The following FREM1 variants were observed in gnomAD, a reference collection of about 807,000 sequenced individuals.
The protein encoded by FREM1 is FRAS1-related extracellular matrix protein 1.
In FREM1, 220 loss-of-function variants were observed where a neutral mutation model predicts 210.1. The ratio of observed to expected loss-of-function variants is 1.05; its 90% CI spans 0.94 to 1.17. The LOEUF (loss-of-function observed/expected upper bound fraction) is 1.17, where lower values mean the gene tolerates loss of function less well. Ranked by LOEUF, FREM1 falls within the 50% of genes most tolerant of loss-of-function variation. FREM1 has a pLI of 0.00. For missense variants in FREM1, 3,454 were observed against 2,675.5 expected, an observed-to-expected ratio of 1.29 and a Z score of -6.42; for synonymous variants, 1,189 against 980.2, an observed-to-expected ratio of 1.21 and a Z score of -3.98.
At chr9:14,745,168 G>A (rs966473448) in intron 35 of FREM1, among the ~76,000 whole-genome samples, 2 of 152,074 alleles carry the variant, frequency 1.3e-5, no homozygotes, top group Non-Finnish European at 2.9e-5. Flanking sequence ...ATGAGTAATA[G>A]GCTTAATACC....
intron 25 of FREM1, among the ~76,000 whole-genome samples, chr9:14,772,345 T>A (rs1044956596): frequency 9.9e-5 from 15 of 152,256 alleles, no homozygotes; most frequent in Admixed American, 9.8e-4. Context: ...GAGACTGAGT[T>A]CCATGCAGCC....
At chr9:14,859,873 A>G (rs1435801355) in intron 3 of FREM1, among the ~76,000 whole-genome samples, 1 of 152,202 alleles carries the variant, frequency 6.6e-6, no homozygotes, top group African/African-American at 2.4e-5. Flanking sequence ...TTTCTGAAGC[A>G]TTCAGGCCTT....
chr9:14,751,388 A>T (rs1457673864), intron 29 of FREM1, among the ~76,000 whole-genome samples: 1 of 152,102 alleles, frequency 6.6e-6, no homozygotes, highest in Non-Finnish European at 1.5e-5. Context: ...GTGGTAAACA[A>T]CTGTAATCCC....
chr9:14,861,994 C>T (rs1830684880), intron 3 of FREM1, among the ~76,000 whole-genome samples: 1 of 152,224 alleles, frequency 6.6e-6, no homozygotes, highest in Admixed American at 6.5e-5. Flanking sequence ...CCCTTCCCAC[C>T]CGCTCCGCGC....
At chr9:14,817,192 T>C (rs966321862) in intron 14 of FREM1, among the ~76,000 whole-genome samples, 2 of 152,178 alleles carry the variant, frequency 1.3e-5, no homozygotes, top group African/African-American at 4.8e-5. Context: ...CAGAATACAC[T>C]GACTAGGGCC....
chr9:14,806,639 T>C (rs1407219579), intron 18 of FREM1, 22 bp downstream of exon 18: 1 of 1,376,276 alleles, frequency 7.3e-7, no homozygotes, highest in Admixed American at 1.8e-5. Flanking sequence ...GAGTCATTGC[T>C]GGTGACGAAG....
At chr9:14,829,476 A>G (rs1355168699) in intron 10 of FREM1, among the ~76,000 whole-genome samples, 1 of 152,126 alleles carries the variant, frequency 6.6e-6, no homozygotes, top group Non-Finnish European at 1.5e-5. Context: ...CCAATGCAAC[A>G]GTGTTTAGAG....
chr9:14,800,166 T>G (rs1853265789), intron 20 of FREM1, among the ~76,000 whole-genome samples: 1 of 151,720 alleles, frequency 6.6e-6, no homozygotes. Context: ...CTAAAAGAAG[T>G]TGGAAAAATG....
chr9:14,828,543 T>C (rs1822904765), intron 10 of FREM1, among the ~76,000 whole-genome samples: 1 of 151,818 alleles, frequency 6.6e-6, no homozygotes, highest in Non-Finnish European at 1.5e-5. Flanking sequence ...TGTTAGACTT[T>C]ATTTTTTTGC....
intron 10 of FREM1, among the ~76,000 whole-genome samples, chr9:14,839,847 T>G (rs1449580833): frequency 6.6e-6 from 1 of 152,222 alleles, no homozygotes; most frequent in Non-Finnish European, 1.5e-5. Flanking sequence ...CACAGAAGAC[T>G]TAGAAGTAAA....
At chr9:14,904,742 G>A (rs763262865) in intron 1 of FREM1, among the ~76,000 whole-genome samples, 17 of 151,996 alleles carry the variant, frequency 1.1e-4, no homozygotes, top group Non-Finnish European at 2.1e-4. Flanking sequence ...GGTACTTTCC[G>A]GGATCACTTT....
chr9:14,769,486 A>G (rs1847126975), intron 27 of FREM1, among the ~76,000 whole-genome samples: 3 of 152,168 alleles, frequency 2.0e-5, no homozygotes, highest in Admixed American at 2.0e-4. Context: ...GACATGCATA[A>G]TATGAACGTC....
chr9:14,875,043 A>G (rs1283479855), intron 1 of FREM1, among the ~76,000 whole-genome samples: 13 of 152,184 alleles, frequency 8.5e-5, no homozygotes, highest in Non-Finnish European at 2.9e-5. Flanking sequence ...ATCCGCTGTT[A>G]GTCTGATGGG....
chr9:14,746,854 T>C (rs1471406244), intron 34 of FREM1, 69 bp downstream of exon 34: 6 of 1,523,038 alleles, frequency 3.9e-6, no homozygotes, highest in Admixed American at 2.1e-5. Flanking sequence ...ACCAGATGGT[T>C]CCCCTCTATT....
chr9:14,907,210 T>C (rs1817881072), intron 1 of FREM1, among the ~76,000 whole-genome samples: 1 of 57,126 alleles, frequency 1.8e-5, no homozygotes, highest in African/African-American at 7.0e-5. Context: ...GAGGCTATGT[T>C]GTCAAAAAGC....
At chr9:14,828,095 G>C (rs1822820251) in intron 10 of FREM1, among the ~76,000 whole-genome samples, 1 of 152,224 alleles carries the variant, frequency 6.6e-6, no homozygotes, top group South Asian at 2.1e-4. Context: ...CAGAGCCATG[G>C]GGTCAGGGCC....
At chr9:14,845,815 A>G in intron 8 of FREM1, 145 bp downstream of exon 8, 1 of 799,222 alleles carries the variant, frequency 1.3e-6, no homozygotes, top group Non-Finnish European at 2.0e-6. Flanking sequence ...AAAGTCAATG[A>G]TTTCAAGATC....
At chr9:14,858,209 T>C (rs1343333943) in intron 4 of FREM1, among the ~76,000 whole-genome samples, 1 of 152,146 alleles carries the variant, frequency 6.6e-6, no homozygotes, top group Non-Finnish European at 1.5e-5. Context: ...GTCCACCTGG[T>C]CTTTTTACTA....
At chr9:14,760,708 A>G (rs1845333894) in intron 27 of FREM1, among the ~76,000 whole-genome samples, 1 of 152,174 alleles carries the variant, frequency 6.6e-6, no homozygotes, top group African/African-American at 2.4e-5. Context: ...CAGAGATGAA[A>G]TTCAAGCATA....
Sources: allele counts gnomAD v4.1 joint callset (sites outside exome capture counted in the v4.1 genomes callset), GRCh38; gene constraint gnomAD v4.1.1; transcripts MANE v1.5; gene names NCBI Gene and HGNC (gene_info 2026-07-23, HGNC 2026-07-21).